The following GDAP1 variants were observed in gnomAD, a reference collection of about 807,000 sequenced individuals.
The protein encoded by GDAP1 is ganglioside-induced differentiation-associated protein 1.
A neutral mutation model predicts 40.1 loss-of-function variants in GDAP1; 34 were observed. The observed-to-expected ratio is 0.85, with a 90% confidence interval of 0.64 to 1.13. The LOEUF (loss-of-function observed/expected upper bound fraction) is 1.13, where lower values mean the gene tolerates loss of function less well. GDAP1 is among the 50% of genes most tolerant of loss of function. The probability of loss-of-function intolerance (pLI) is 0.00; values close to 1 mark genes in which losing one functional copy is unlikely to be tolerated. For missense variants in GDAP1, 374 were observed against 433.7 expected, an observed-to-expected ratio of 0.86 and a Z score of 1.22; for synonymous variants, 170 against 157.4, an observed-to-expected ratio of 1.08 and a Z score of -0.60.
downstream of GDAP1, among the ~76,000 whole-genome samples, chr8:74,370,895 G>A (rs1324573899): frequency 6.6e-6 from 1 of 152,156 alleles, no homozygotes; most frequent in Non-Finnish European, 1.5e-5. Context: ...GGACATTTAT[G>A]AATCACAAAA....
At chr8:74,397,214 T>C (rs1810216577) in intron 2 of GDAP1, among the ~76,000 whole-genome samples, 1 of 141,708 alleles carries the variant, frequency 7.1e-6, no homozygotes, top group Admixed American at 6.9e-5. Flanking sequence ...TTTTTTTTTT[T>C]CTTGTAAATT....
chr8:74,436,491 C>T (rs564741591), intron 2 of GDAP1, among the ~76,000 whole-genome samples: 3 of 146,972 alleles, frequency 2.0e-5, no homozygotes, highest in Middle Eastern at 3.5e-3. Context: ...GGTGTGATCT[C>T]GGCTCACTGC....
At chr8:74,422,080 A>G (rs1805863655) in intron 2 of GDAP1, among the ~76,000 whole-genome samples, 1 of 152,092 alleles carries the variant, frequency 6.6e-6, no homozygotes, top group South Asian at 2.1e-4. Flanking sequence ...CATATAGGCA[A>G]TGGTAGCACA....
intron 2 of GDAP1, among the ~76,000 whole-genome samples, chr8:74,355,120 T>C (rs1809037897): frequency 6.7e-6 from 1 of 148,756 alleles, no homozygotes; most frequent in African/African-American, 2.6e-5. Context: ...GAGGTCACCC[T>C]TTTCAAGTCA....
At chr8:74,391,981 G>A (rs1357915806) in intron 2 of GDAP1, among the ~76,000 whole-genome samples, 2 of 152,030 alleles carry the variant, frequency 1.3e-5, no homozygotes, top group African/African-American at 4.8e-5. Flanking sequence ...ACCATGCCCA[G>A]CAAATTTTTG....
intron 2 of GDAP1, among the ~76,000 whole-genome samples, chr8:74,426,564 A>G (rs546259466): frequency 2.0e-5 from 3 of 152,330 alleles, no homozygotes; most frequent in Admixed American, 6.5e-5. Flanking sequence ...GTTCCACGTT[A>G]CTTTTCTTGA....
intron 2 of GDAP1, among the ~76,000 whole-genome samples, chr8:74,410,049 A>G (rs1805689768): frequency 6.7e-6 from 1 of 150,006 alleles, no homozygotes; most frequent in South Asian, 2.1e-4. Flanking sequence ...CAGTATCCCC[A>G]GTTCTGTATA....
At chr8:74,356,678 GTGTGTGTGTGTGTT>G (rs1421515745) in intron 2 of GDAP1, among the ~76,000 whole-genome samples, 2 of 138,674 alleles carry the variant, frequency 1.4e-5, no homozygotes, top group African/African-American at 2.7e-5. Context: ...GTGTGTGTGT[GTGTGTGTGTGTGTT>G]TGTGTGTGTG....
intron 2 of GDAP1, among the ~76,000 whole-genome samples, chr8:74,391,227 GA>G (rs902186141): frequency 5.0e-4 from 73 of 146,504 alleles, no homozygotes; most frequent in African/African-American, 1.3e-3. Flanking sequence ...AGTGGGGTAT[GA>G]AAAAAAAAAC....
intron 2 of GDAP1, among the ~76,000 whole-genome samples, chr8:74,399,208 T>A (rs996536014): frequency 1.4e-5 from 2 of 140,732 alleles, no homozygotes; most frequent in South Asian, 2.1e-4. Context: ...AAGCTATTGA[T>A]TATTCCCACA....
At chr8:74,400,899 A>G (rs367635885) in intron 2 of GDAP1, among the ~76,000 whole-genome samples, 6 of 149,198 alleles carry the variant, frequency 4.0e-5, no homozygotes, top group Admixed American at 3.3e-4. Context: ...CTTCTGGCTT[A>G]TAGGGTTTCT....
intron 2 of GDAP1, among the ~76,000 whole-genome samples, chr8:74,396,645 G>T (rs1363063124): frequency 2.0e-5 from 3 of 152,082 alleles, no homozygotes; most frequent in Non-Finnish European, 2.9e-5. Flanking sequence ...TGAGAATGAT[G>T]ATTTCCAGTT....
At chr8:74,380,656 T>G (rs902622297) in intron 2 of GDAP1, among the ~76,000 whole-genome samples, 70 of 151,930 alleles carry the variant, frequency 4.6e-4, no homozygotes, top group Admixed American at 4.5e-3. Flanking sequence ...ATTCCGTGAG[T>G]TTTTTTTGGT....
intron 2 of GDAP1, among the ~76,000 whole-genome samples, chr8:74,355,153 G>C (rs1376335608): frequency 6.6e-6 from 1 of 152,104 alleles, no homozygotes; most frequent in Non-Finnish European, 1.5e-5. Flanking sequence ...GTGAATATCT[G>C]TTGGATAATG....
intron 2 of GDAP1, among the ~76,000 whole-genome samples, chr8:74,484,126 A>C (rs1331180087): frequency 1.9e-4 from 29 of 152,180 alleles, no homozygotes; most frequent in Admixed American, 1.9e-3. Flanking sequence ...TTATTATTTG[A>C]TCTGGAAATT....
chr8:74,455,335 A>G (rs1806323326), intron 2 of GDAP1, among the ~76,000 whole-genome samples: 1 of 151,960 alleles, frequency 6.6e-6, no homozygotes, highest in South Asian at 2.1e-4. Context: ...GGGAATGTAC[A>G]TCAAAACTAA....
At chr8:74,482,505 A>AAAAAC (rs1305143014) in intron 2 of GDAP1, among the ~76,000 whole-genome samples, 1 of 152,206 alleles carries the variant, frequency 6.6e-6, no homozygotes, top group Non-Finnish European at 1.5e-5. Context: ...GGCATGGTTA[A>AAAAAC]AAAACAAAAC....
rs1056019876 is a variant in GDAP1 at position 74,366,606 on chromosome 8, A to T, written c.*2239A>T. ...AATTTCCAAAATTTGTATAAATATC[A>T]CAATTAGAAAAATGCCTGAGGTACT... On this transcript the variant is annotated 3_prime_UTR_variant, in exon 6 of 6. Coordinates refer to ENST00000220822, the MANE Select transcript of GDAP1 (RefSeq NM_018972.4). 4 of 453,698 alleles carry T rather than the reference A, an allele frequency of 8.8e-6. No homozygotes were observed. Among genetic ancestry groups the T allele is most frequent in the African/African-American group, 6.0e-5 (3 of 49,984 alleles). 28.1% of individuals were successfully genotyped at this position (453,698 alleles called of 1,614,324 possible).
intron 2 of GDAP1, among the ~76,000 whole-genome samples, chr8:74,411,210 A>G (rs1394627165): frequency 6.7e-6 from 1 of 150,068 alleles, no homozygotes; most frequent in Non-Finnish European, 1.5e-5. Context: ...TTTCCTTTAT[A>G]AATTGCCCAG....
Sources: gnomAD v4.1 joint callset for allele counts (sites outside exome capture counted in the v4.1 genomes callset) on GRCh38, gnomAD v4.1.1 for gene constraint, MANE v1.5 for transcripts, NCBI Gene and HGNC (gene_info 2026-07-23, HGNC 2026-07-21) for gene names.